Variants in CPLANE1 observed in about 807,000 individuals in gnomAD.
CPLANE1 encodes ciliogenesis and planar polarity effector 1.
CPLANE1 carries 263 observed loss-of-function variants against 362.5 expected under a neutral mutation model. The ratio of observed to expected loss-of-function variants is 0.73; its 90% CI spans 0.66 to 0.80. CPLANE1 has a LOEUF of 0.80. CPLANE1 is among the 30% of genes least tolerant of loss of function. CPLANE1 has a pLI of 0.00. For synonymous variants in CPLANE1, 1,212 were observed against 1,302.6 expected (o/e 0.93, Z 1.50); for missense variants, 3,461 against 3,793.4 (o/e 0.91, Z 2.30).
chr5:37,110,932 C>T (rs1345548803), intron 51 of CPLANE1, among the ~76,000 whole-genome samples: 13 of 151,048 alleles, frequency 8.6e-5, no homozygotes, highest in Non-Finnish European at 1.3e-4. Flanking sequence ...CTCAGCCTCC[C>T]GAGTAGCTGG....
intron 51 of CPLANE1, among the ~76,000 whole-genome samples, chr5:37,114,384 G>A (rs1474252612): frequency 1.3e-5 from 2 of 152,114 alleles, no homozygotes; most frequent in African/African-American, 4.8e-5. Context: ...TACCTACCAA[G>A]GTCGTTACAT....
downstream of CPLANE1, among the ~76,000 whole-genome samples, chr5:37,102,642 C>T (rs1229213475): frequency 1.3e-5 from 2 of 152,162 alleles, no homozygotes; most frequent in Non-Finnish European, 2.9e-5. Flanking sequence ...AACTTCTTGA[C>T]ATCTGCCTTA....
chr5:37,200,958 A>G (rs1203142394), intron 19 of CPLANE1, among the ~76,000 whole-genome samples: 6 of 152,112 alleles, frequency 3.9e-5, no homozygotes, highest in Admixed American at 3.9e-4. Flanking sequence ...TGAGTAGCTG[A>G]GACTACAGGC....
At chr5:37,198,454 T>C (rs1218196530) in intron 20 of CPLANE1, among the ~76,000 whole-genome samples, 1 of 151,782 alleles carries the variant, frequency 6.6e-6, no homozygotes, top group Non-Finnish European at 1.5e-5. Context: ...AAAACTGTAA[T>C]TGCCTGGAAT....
chr5:37,119,998 G>GA (rs1035498774), intron 50 of CPLANE1, among the ~76,000 whole-genome samples: 21 of 126,612 alleles, frequency 1.7e-4, no homozygotes, highest in Admixed American at 9.6e-4. Flanking sequence ...AAAAGAAAAA[G>GA]AAAAAAAAAG....
At chr5:37,123,936 C>T (rs562776357) in intron 47 of CPLANE1, among the ~76,000 whole-genome samples, 17 of 149,260 alleles carry the variant, frequency 1.1e-4, no homozygotes, top group African/African-American at 4.3e-4. Flanking sequence ...AACATACACA[C>T]ACACACACAC....
Position 37,168,918 on chromosome 5 carries a change from G to C in CPLANE1, c.7106C>G (p.Pro2369Arg), listed in dbSNP as rs375221056. The C allele has an allele frequency of 8.7e-6, 14 of 1,614,052 alleles. No homozygotes were observed. The African/African-American group carries it at 1.6e-4, about 18-fold the overall frequency. ...TCTTGAGGTTGATGGAAACATATTA[G>C]GAGGTTTAAGTGGCAGGTATAGTAA... ...LPLLYLPLKP[P>R]NMFPSTSRAS... Residue 2369 changes from proline (P) to arginine (R), a missense_variant, in exon 34 of 53, where the codon CCT (proline) becomes CGT (arginine). Pro to Arg is a moderately radical substitution (Grantham distance 103). Coordinates refer to ENST00000651892, the MANE Select transcript of CPLANE1 (RefSeq NM_001384732.1).
At chr5:37,205,288 G>C (rs533044678) in intron 18 of CPLANE1, 27 bp downstream of exon 18, 2 of 1,504,820 alleles carry the variant, frequency 1.3e-6, no homozygotes, top group Non-Finnish European at 1.8e-6. Flanking sequence ...AATCTGACAC[G>C]AATCAGACTA....
At chr5:37,117,853 T>TA (rs1191420786) in intron 50 of CPLANE1, among the ~76,000 whole-genome samples, 1 of 152,202 alleles carries the variant, frequency 6.6e-6, no homozygotes, top group African/African-American at 2.4e-5. Context: ...AAGCACAAGG[T>TA]AAAAATAAAG....
At position 37,150,868 on chromosome 5, in the gene CPLANE1, C is replaced by T. The variant is rs970296919; in HGVS notation, c.8374-2600G>A. On this transcript the variant is annotated intron_variant, in intron 42 of 52. Transcript: ENST00000651892. ...AATCAGAATTTCAGGGAAATGGGGC[C>T]CAGGAATTTGCATTCTTAACAAGTT... 2.0e-5 allele frequency among the ~76,000 whole-genome samples: 3 copies of T among 152,104 alleles called. No homozygotes were observed. The East Asian group carries it at 5.8e-4, about 29-fold the overall frequency.
chr5:37,202,940 TTA>T (rs921095551), intron 18 of CPLANE1, among the ~76,000 whole-genome samples: 177 of 150,066 alleles, frequency 1.2e-3, no homozygotes, highest in Middle Eastern at 3.6e-3. Flanking sequence ...TTTATATATT[TTA>T]TATATATATA....
chr5:37,179,999 TTATC>T lies in CPLANE1; in HGVS notation c.5737+14_5737+17del, dbSNP rs747822911. ...AAATTAATAAAGCCAAAAAAATAGA[TTATC>T]TAAATGAACTGACCTTCATAGTCTG... On this transcript the variant is annotated intron_variant, in intron 28 of 52. Transcript: ENST00000651892. 1 of 1,502,940 alleles carries T rather than the reference TTATC, an allele frequency of 6.7e-7. No homozygotes were observed. Among genetic ancestry groups the T allele is most frequent in the Admixed American group, 2.5e-5 (1 of 40,254 alleles). The allele number at this position is 1,502,940 out of a possible 1,614,324, so 93.1% of individuals were successfully genotyped here. A position where few individuals can be genotyped will look rare whatever the true frequency, so the allele number is the denominator to read the frequency against.
At chr5:37,238,181 T>TTG (rs1580999244) in intron 8 of CPLANE1, among the ~76,000 whole-genome samples, 1 of 152,044 alleles carries the variant, frequency 6.6e-6, no homozygotes, top group African/African-American at 2.4e-5. Flanking sequence ...CCATCTTTTT[T>TTG]TGTGTGTGTG....
chr5:37,126,578 C>A (rs904676641), intron 46 of CPLANE1, among the ~76,000 whole-genome samples: 2 of 152,222 alleles, frequency 1.3e-5, no homozygotes, highest in African/African-American at 4.8e-5. Context: ...ATTCCGCCAT[C>A]CTCTCACAAG....
chr5:37,206,531 C>T (rs989840251), intron 16 of CPLANE1, 106 bp from the exon 17 acceptor site: 1 of 717,728 alleles, frequency 1.4e-6, no homozygotes, highest in Non-Finnish European at 2.3e-6. Flanking sequence ...CAAAAAACCA[C>T]CAGGAAGATA....
chr5:37,127,978 T>C (rs1764699607), intron 46 of CPLANE1, among the ~76,000 whole-genome samples: 1 of 152,066 alleles, frequency 6.6e-6, no homozygotes, highest in Non-Finnish European at 1.5e-5. Flanking sequence ...AGGTTGAGGC[T>C]GCAGTAAGCC....
chr5:37,122,505 CA>C lies in CPLANE1; in HGVS notation c.8959-18del. 2 of 1,596,484 alleles carry C rather than the reference CA, an allele frequency of 1.3e-6. No individual in the cohort carries two copies. The highest frequency in any genetic ancestry group is 1.7e-6 in the Non-Finnish European group (2 of 1,168,460). On this transcript the variant is annotated intron_variant, in intron 47 of 52. Transcript: ENST00000651892. The stretch of plus-strand genomic sequence containing the variant: ...CATGTAAAGCTGCATAAAAAATACC[CA>C]GTTGGTTCATTATTGTTCAATCCAA...
At chr5:37,168,266 A>C (rs1778841174) in intron 34 of CPLANE1, among the ~76,000 whole-genome samples, 1 of 152,216 alleles carries the variant, frequency 6.6e-6, no homozygotes, top group South Asian at 2.1e-4. Context: ...AAAGATTTGA[A>C]GATCATACAA....
intron 21 of CPLANE1, among the ~76,000 whole-genome samples, chr5:37,194,859 A>G (rs1242967670): frequency 6.6e-6 from 1 of 151,996 alleles, no homozygotes; most frequent in Admixed American, 6.6e-5. Context: ...GTCTAAAGAT[A>G]AGATCAGGGC....
Sources: allele counts gnomAD v4.1 joint callset (sites outside exome capture counted in the v4.1 genomes callset), GRCh38; gene constraint gnomAD v4.1.1; transcripts MANE v1.5; gene names NCBI Gene and HGNC (gene_info 2026-07-23, HGNC 2026-07-21).